PLAGL1: variants seen among roughly 807,000 people sequenced by gnomAD.
PLAGL1 encodes PLAG1 like zinc finger 1.
Under a neutral mutation model 4.6 loss-of-function variants are expected in PLAGL1, and 1 was observed. The ratio of observed to expected loss-of-function variants is 0.22; its 90% CI spans 0.08 to 1.03. The LOEUF is 1.03. PLAGL1 is among the 50% of genes least tolerant of loss of function. The pLI, the probability that PLAGL1 is intolerant of heterozygous loss-of-function variation, is 0.58. For missense variants in PLAGL1, 464 were observed against 570.4 expected (o/e 0.81, Z 1.90); for synonymous variants, 240 against 237.8 (o/e 1.01, Z -0.08).
At position 143,994,569 on chromosome 6, in the gene PLAGL1, T is replaced by C. The variant is rs1278990733; in HGVS notation, c.-583-9395A>G. The stretch of plus-strand genomic sequence containing the variant: ...GAACGAAATGAAACTAATGGCATTA[T>C]AAATACTACTATTATTCGCAAAAAA... On this transcript the variant is annotated intron_variant, in intron 1 of 7. Coordinates refer to ENST00000674357, the MANE Select transcript of PLAGL1 (RefSeq NM_001317162.2). This position sits in a 1 kb window ranked among gnomAD's most constrained non-coding sequence, Gnocchi z 4.3. Among the ~76,000 whole-genome samples the C allele has an allele frequency of 6.6e-6, 1 of 152,222 alleles. No homozygotes were observed. The highest frequency in any genetic ancestry group is 1.9e-4 in the East Asian group (1 of 5,206).
At chr6:144,023,418 A>G (rs1405177184) in intron 1 of PLAGL1, among the ~76,000 whole-genome samples, 1 of 152,212 alleles carries the variant, frequency 6.6e-6, no homozygotes, top group East Asian at 1.9e-4. Flanking sequence ...AGACAGCGAC[A>G]AAAGAATCTC....
At chr6:144,014,658 C>T (rs544168914) in intron 1 of PLAGL1, among the ~76,000 whole-genome samples, 18 of 152,196 alleles carry the variant, frequency 1.2e-4, no homozygotes, top group East Asian at 9.7e-4. Flanking sequence ...CGGCTCACTG[C>T]AGCCTCCACC....
Position 143,985,982 on chromosome 6 carries a change from T to TTATATATATATATATACATA in PLAGL1, c.-583-809_-583-808insTATGTATATATATATATATA, listed in dbSNP as rs1789006367. ...TATATCAAATTATATATATATAAAA[T>TTATATATATATATATACATA]TATATATATATATATATATATATAT... On this transcript the variant is annotated intron_variant, in intron 1 of 7. Coordinates refer to ENST00000674357, the MANE Select transcript of PLAGL1 (RefSeq NM_001317162.2). This position sits in a 1 kb window ranked among gnomAD's most constrained non-coding sequence, Gnocchi z 4.4. Among the ~76,000 whole-genome samples the TTATATATATATATATACATA allele has an allele frequency of 9.0e-6, 1 of 111,576 alleles. No homozygotes were observed. Among genetic ancestry groups the TTATATATATATATATACATA allele is most frequent in the African/African-American group, 3.5e-5 (1 of 28,864 alleles). The allele number at this position is 111,576 out of a possible 152,430, so 73.2% of individuals were successfully genotyped here.
At chr6:144,041,155 T>A (rs1359495447) in intron 1 of PLAGL1, among the ~76,000 whole-genome samples, 1 of 152,118 alleles carries the variant, frequency 6.6e-6, no homozygotes, top group South Asian at 2.1e-4. Flanking sequence ...TAATATTTAT[T>A]GAGAGCTTGT....
rs1218763999 is a variant in PLAGL1 at position 143,982,216 on chromosome 6, C to T, written c.-544+2919G>A. On this transcript the variant is annotated intron_variant, in intron 2 of 7. Transcript: ENST00000674357. This position sits in a 1 kb window ranked among gnomAD's most constrained non-coding sequence, Gnocchi z 5.3. ...GTGCTAAGAGATTTAGCAGTGAAAACAGTGTCAATTTAAAACAGGCTGGTC... is the reference window on the plus strand; with the variant it reads ...GTGCTAAGAGATTTAGCAGTGAAAATAGTGTCAATTTAAAACAGGCTGGTC... 6.6e-6 allele frequency among the ~76,000 whole-genome samples: 1 copy of T among 151,502 alleles called. No homozygotes were observed. Among genetic ancestry groups the T allele is most frequent in the East Asian group, 1.9e-4 (1 of 5,176 alleles).
In PLAGL1 at chr6:144,027,142, T is replaced by C. The variant is rs1351542220; in HGVS notation, c.-151+37326A>G. Among the ~76,000 whole-genome samples, 1 of 151,794 alleles carries C rather than the reference T, an allele frequency of 6.6e-6. No individual in the cohort carries two copies. Among genetic ancestry groups the C allele is most frequent in the African/African-American group, 2.4e-5 (1 of 41,270 alleles). ...AGGAGGCTGAGGTGGGAGGATCACC[T>C]GAGCCCACGAGTTTGAGGCTGTGGA... On this transcript the variant is annotated intron_variant, in intron 1 of 3. Transcript: ENST00000437412. This position sits in a 1 kb window ranked among gnomAD's most constrained non-coding sequence, Gnocchi z 5.8.
In PLAGL1 at chr6:144,022,931, G is replaced by A. The variant is rs1796076427; in HGVS notation, c.-151+41537C>T. Among the ~76,000 whole-genome samples, 1 of 152,126 alleles carries A rather than the reference G, an allele frequency of 6.6e-6. No individual in the cohort carries two copies. Among genetic ancestry groups the A allele is most frequent in the African/African-American group, 2.4e-5 (1 of 41,424 alleles). On this transcript the variant is annotated intron_variant, in intron 1 of 3. Transcript: ENST00000437412. The surrounding 1 kb of genome is among the most constrained non-coding windows in gnomAD (Gnocchi z 4.2). ...TGAAAACATATCCATACAAAAACCT[G>A]CACATGAATATTTATAGCAGCTTTA...
chr6:144,004,980 TA>T lies in PLAGL1; in HGVS notation c.-584+3109del, dbSNP rs1242063556. Reference sequence around the variant, plus strand: ...TATATAAATATATTTAATTTTTATATAAACTCTACAGAGAGATTATATATAA... The same window carrying T: ...TATATAAATATATTTAATTTTTATATAACTCTACAGAGAGATTATATATAA... On this transcript the variant is annotated intron_variant, in intron 1 of 7. Transcript: ENST00000674357. This position sits in a 1 kb window ranked among gnomAD's most constrained non-coding sequence, Gnocchi z 4.2. 4 of 149,152 alleles carry T rather than the reference TA, an allele frequency of 2.7e-5. No individual in the cohort carries two copies. Among genetic ancestry groups the T allele is most frequent in the Non-Finnish European group, 4.4e-5 (3 of 67,422 alleles). 9.2% of individuals were successfully genotyped at this position (149,152 alleles called of 1,614,324 possible). A position where few individuals can be genotyped will look rare whatever the true frequency, so the allele number is the denominator to read the frequency against.
chr6:144,032,015 TATG>T (rs890527825), intron 1 of PLAGL1, among the ~76,000 whole-genome samples: 21 of 152,326 alleles, frequency 1.4e-4, no homozygotes, highest in Admixed American at 1.1e-3. Context: ...TTGTGTCATC[TATG>T]ATTTCTTTCA....
chr6:143,991,473 G>T (rs1790461134), intron 1 of PLAGL1, among the ~76,000 whole-genome samples: 1 of 152,180 alleles, frequency 6.6e-6, no homozygotes, highest in Non-Finnish European at 1.5e-5. Flanking sequence ...AAGCCAAATT[G>T]GTGAGCATGA....
At chr6:144,013,024 T>A (rs1193153961), upstream of PLAGL1, among the ~76,000 whole-genome samples, 2 of 152,234 alleles carry the variant, frequency 1.3e-5, no homozygotes, top group Non-Finnish European at 2.9e-5. This position sits in a 1 kb window ranked among gnomAD's most constrained non-coding sequence, Gnocchi z 4.4. Flanking sequence ...AGAGGCCACA[T>A]GAAGTATTTC....
At chr6:144,045,000 C>CTTTTTTTTTTTTTTTTTTTTTT (rs138373370) in intron 1 of PLAGL1, among the ~76,000 whole-genome samples, 5 of 47,334 alleles carry the variant, frequency 1.1e-4, no homozygotes, top group Admixed American at 4.2e-4. Flanking sequence ...GCAACCCCTG[C>CTTTTTTTTTTTTTTTTTTTTTT]TTTTTTTTTT....
At chr6:144,021,780 C>G (rs775522378) in intron 1 of PLAGL1, among the ~76,000 whole-genome samples, 6 of 152,162 alleles carry the variant, frequency 3.9e-5, no homozygotes, top group Non-Finnish European at 5.9e-5. Context: ...ATGGACCATA[C>G]AGTTCTTTTC....
At chr6:144,041,339 C>T (rs780479890) in intron 1 of PLAGL1, among the ~76,000 whole-genome samples, 6 of 152,066 alleles carry the variant, frequency 3.9e-5, no homozygotes, top group Admixed American at 1.3e-4. Context: ...CCCATGCCCC[C>T]ACCCCACACC....
chr6:143,964,953 G>T lies in PLAGL1; in HGVS notation c.-430-135C>A, dbSNP rs1784137837. ...AAGAGGAAAGAGAGCAGCTGGTGCT[G>T]CTGGAGTCATGAGATCCAGGACACC... On this transcript the variant is annotated intron_variant, in intron 4 of 7. Transcript: ENST00000674357. This position sits in a 1 kb window ranked among gnomAD's most constrained non-coding sequence, Gnocchi z 4.3. The T allele has an allele frequency of 6.6e-6, 1 of 152,228 alleles. No homozygotes were observed. The highest frequency in any genetic ancestry group is 6.5e-5 in the Admixed American group (1 of 15,290). The allele number at this position is 152,228 out of a possible 1,614,324, so 9.4% of individuals were successfully genotyped here. A position where few individuals can be genotyped will look rare whatever the true frequency, so the allele number is the denominator to read the frequency against.
In PLAGL1 at chr6:143,978,406, TGAGA is replaced by T. The variant is rs1349708552; in HGVS notation, c.-544+6725_-544+6728del. Among the ~76,000 whole-genome samples the T allele has an allele frequency of 7.2e-5, 11 of 152,298 alleles. No homozygotes were observed. Among genetic ancestry groups the T allele is most frequent in the Non-Finnish European group, 1.2e-4 (8 of 68,018 alleles). On this transcript the variant is annotated intron_variant, in intron 2 of 7. Coordinates refer to ENST00000674357, the MANE Select transcript of PLAGL1 (RefSeq NM_001317162.2). The surrounding 1 kb of genome is among the most constrained non-coding windows in gnomAD (Gnocchi z 4.6). The stretch of plus-strand genomic sequence containing the variant: ...ATTAAAAATATTTAAACATTTTTCT[TGAGA>T]TTTTTCTTTGATCCATGGGTTATTT...
rs2128728454 is a variant in PLAGL1, at chr6:144,056,219, A to G, written c.-151+8249T>C. 6.6e-6 allele frequency among the ~76,000 whole-genome samples: 1 copy of G among 152,174 alleles called. No individual in the cohort carries two copies. Among genetic ancestry groups the G allele is most frequent in the South Asian group, 2.1e-4 (1 of 4,816 alleles). ...TTTTATGTTCACAGCAAAATTGAGGAGGAAAGAGACATCTTACATGTCCCA... is the reference window on the plus strand; with the variant it reads ...TTTTATGTTCACAGCAAAATTGAGGGGGAAAGAGACATCTTACATGTCCCA... On this transcript the variant is annotated intron_variant, in intron 1 of 3. Transcript: ENST00000437412. This position sits in a 1 kb window ranked among gnomAD's most constrained non-coding sequence, Gnocchi z 4.7.
chr6:143,976,750 C>T (rs1786637747), intron 2 of PLAGL1, among the ~76,000 whole-genome samples: 1 of 152,092 alleles, frequency 6.6e-6, no homozygotes, highest in South Asian at 2.1e-4. Flanking sequence ...TTGTAAGTAA[C>T]CACCCCTAAT....
intron 1 of PLAGL1, among the ~76,000 whole-genome samples, chr6:144,038,213 A>C (rs980848810): frequency 2.6e-5 from 4 of 152,250 alleles, no homozygotes; most frequent in Admixed American, 6.5e-5. Flanking sequence ...TTAAGACGGT[A>C]ATACGACTGA....
Sources: allele counts gnomAD v4.1 joint callset (sites outside exome capture counted in the v4.1 genomes callset), GRCh38; gene constraint gnomAD v4.1.1; non-coding constraint Gnocchi (gnomAD v3.1); transcripts MANE v1.5; gene names NCBI Gene and HGNC (gene_info 2026-07-23, HGNC 2026-07-21).